CSPP1: variants seen among roughly 807,000 people sequenced by gnomAD.
The protein encoded by CSPP1 is centrosome and spindle pole associated protein 1.
In CSPP1, 126 loss-of-function variants were observed where a neutral mutation model predicts 164.4. That is an observed-to-expected ratio of 0.77 (90% CI 0.66 to 0.89). The LOEUF is 0.89. CSPP1 is among the 40% of genes least tolerant of loss of function. CSPP1 has a pLI of 0.00. For missense variants in CSPP1, 1,395 were observed against 1,449.8 expected (o/e 0.96, Z 0.61); for synonymous variants, 472 against 476.7 (o/e 0.99, Z 0.13).
In CSPP1 at chr8:67,105,974, T is replaced by C. The variant is rs1189092691; in HGVS notation, c.1092T>C (p.Phe364=). 6.4e-7 allele frequency: 1 copy of C among 1,556,770 alleles called. No homozygotes were observed. The highest frequency in any genetic ancestry group is 1.1e-5 in the South Asian group (1 of 89,824). The change falls in exon 9 of 31, where the codon TTT becomes TTC. Residue 364 remains phenylalanine (F), a splice_region_variant and synonymous_variant. Coordinates refer to ENST00000678616, the MANE Select transcript of CSPP1 (RefSeq NM_001382391.1). The part of the protein sequence containing the change: ...DTCSPFAGML[F]GGEDRELIQR... ...GTAGTCCTTTTGCAGGGATGCTCTT[T>C]GGTAGGCACAAAACTTCCAACTAGT...
At position 67,072,008 on chromosome 8, in the gene CSPP1, C is replaced by T. The variant is rs375220864; in HGVS notation, c.-10-2235C>T. ...TAGGCAAAGATTTTTTTTAGCTGGG[C>T]GTGGTGGCTCACACCTGTGATCTCA... On this transcript the variant is annotated intron_variant, in intron 1 of 30. Transcript: ENST00000678616. Among the ~76,000 whole-genome samples the T allele has an allele frequency of 3.0e-4, 45 of 152,176 alleles. 1 individual carries two copies. In the South Asian group the frequency reaches 8.5e-3, roughly 29 times the overall value.
At chr8:67,175,567 T>G in intron 26 of CSPP1, 131 bp downstream of exon 26, 1 of 1,078,216 alleles carries the variant, frequency 9.3e-7, no homozygotes. Context: ...ACAGGGTCCG[T>G]TTGGTCTGTA....
rs1043513951 is a variant in CSPP1 at position 67,182,316 on chromosome 8, CCT to C, written c.3220+2391_3220+2392del. Among the ~76,000 whole-genome samples, 17 of 145,252 alleles carry C rather than the reference CCT, an allele frequency of 1.2e-4. No individual in the cohort carries two copies. The South Asian group carries it at 2.3e-3, about 20-fold the overall frequency. ...AGCTACCACACCCAGCCAGATTTCC[CCT>C]TTTTTTTTTTATGCTGTGAATAATA... On this transcript the variant is annotated intron_variant, in intron 28 of 30. Transcript: ENST00000678616.
Position 67,095,320 on chromosome 8 carries a change from A to G in CSPP1, c.511A>G (p.Ile171Val), listed in dbSNP as rs188917565. The change falls in exon 7 of 31, where the codon ATT (isoleucine) becomes GTT (valine). Residue 171 changes from isoleucine (I) to valine (V), a missense_variant. Coordinates refer to ENST00000678616, the MANE Select transcript of CSPP1 (RefSeq NM_001382391.1). ...EPKSQRNKKP[I>V]GQVKPDLTSQ... ...CAAGAGTCAGAGAAATAAAAAACCTATTGGTCAAGTTAAGCCTGATCTAAC... is the reference window on the plus strand; with the variant it reads ...CAAGAGTCAGAGAAATAAAAAACCTGTTGGTCAAGTTAAGCCTGATCTAAC... The G allele has an allele frequency of 6.5e-5, 103 of 1,573,526 alleles. No individual in the cohort carries two copies. The East Asian group carries it at 2.2e-3, about 34-fold the overall frequency.
At chr8:67,102,046 A>G (rs1230251543) in intron 7 of CSPP1, among the ~76,000 whole-genome samples, 4 of 152,220 alleles carry the variant, frequency 2.6e-5, no homozygotes, top group Non-Finnish European at 4.4e-5. Flanking sequence ...TGGAAAAAAG[A>G]TTGATTGAAA....
At chr8:67,192,907 T>C (rs575204008) in intron 29 of CSPP1, among the ~76,000 whole-genome samples, 8 of 152,368 alleles carry the variant, frequency 5.3e-5, no homozygotes, top group African/African-American at 1.9e-4. Flanking sequence ...AAGCCCCTGC[T>C]GCTTCAGTTT....
At position 67,159,954 on chromosome 8, in the gene CSPP1, CTTCTTTCTTTTCTTTTCTTTTCTT is replaced by C. The variant is rs1196998495; in HGVS notation, c.2538+824_2538+847del. On this transcript the variant is annotated intron_variant, in intron 21 of 30. Coordinates refer to ENST00000678616, the MANE Select transcript of CSPP1 (RefSeq NM_001382391.1). ...CCTTCCTTCCTTCCTTCCTTCCTTC[CTTCTTTCTTTTCTTTTCTTTTCTT>C]TTCTTTTCTTTTCTTTTCTTTTCTT... Among the ~76,000 whole-genome samples, 279 of 31,454 alleles carry C rather than the reference CTTCTTTCTTTTCTTTTCTTTTCTT, an allele frequency of 8.9e-3. 17 individuals are homozygous for C. The highest frequency in any genetic ancestry group is 0.015 in the South Asian group (11 of 730). The allele number at this position is 31,454 out of a possible 152,430, so 20.6% of individuals were successfully genotyped here.
At chr8:67,162,713 A>G (rs1828605378) in intron 22 of CSPP1, among the ~76,000 whole-genome samples, 1 of 152,204 alleles carries the variant, frequency 6.6e-6, no homozygotes, top group African/African-American at 2.4e-5. Flanking sequence ...ACAAGTCCAG[A>G]TGTGAGACTG....
intron 5 of CSPP1, 40 bp downstream of exon 5, chr8:67,091,923 C>T (rs758203155): frequency 3.2e-5 from 27 of 838,778 alleles, no homozygotes; most frequent in Non-Finnish European, 3.9e-5. Flanking sequence ...ACCAGTTTTC[C>T]GAGGCATCAA....
intron 8 of CSPP1, among the ~76,000 whole-genome samples, chr8:67,104,578 A>G (rs1814958206): frequency 6.6e-6 from 1 of 151,366 alleles, no homozygotes; most frequent in African/African-American, 2.4e-5. Flanking sequence ...AAGTATGTGC[A>G]TAGATCACTC....
chr8:67,145,894 G>A (rs1824446164), intron 17 of CSPP1, among the ~76,000 whole-genome samples: 1 of 152,006 alleles, frequency 6.6e-6, no homozygotes, highest in Admixed American at 6.6e-5. Context: ...GTGCATTTAA[G>A]TGTGCTACAC....
intron 3 of CSPP1, among the ~76,000 whole-genome samples, chr8:67,078,953 CAGAG>C (rs1352904844): frequency 1.3e-5 from 2 of 151,938 alleles, no homozygotes; most frequent in Non-Finnish European, 2.9e-5. Context: ...GCCTGGGTGA[CAGAG>C]AGAGACTCCA....
intron 19 of CSPP1, among the ~76,000 whole-genome samples, chr8:67,157,312 T>C (rs894742948): frequency 1.3e-5 from 2 of 151,710 alleles, no homozygotes; most frequent in African/African-American, 4.8e-5. Flanking sequence ...TTTTTTTTTT[T>C]AAAGACAGAG....
chr8:67,094,261 T>C (rs182566969), intron 6 of CSPP1, among the ~76,000 whole-genome samples: 1 of 150,826 alleles, frequency 6.6e-6, no homozygotes, highest in African/African-American at 2.4e-5. Context: ...TTGCATTTAG[T>C]TTATCCTCTC....
intron 24 of CSPP1, among the ~76,000 whole-genome samples, chr8:67,172,154 ATTTT>A (rs540548645): frequency 1.6e-5 from 2 of 124,876 alleles, no homozygotes; most frequent in African/African-American, 3.1e-5. Flanking sequence ...TGGCCTCATA[ATTTT>A]TTTTTTTTTT....
chr8:67,111,995 C>T lies in CSPP1; in HGVS notation c.1117C>T (p.Gln373Ter). Reference sequence around the variant, plus strand: ...AGGAGGTGAAGATCGAGAACTTATTCAGAGAAGGAAAGAGAAATACAGACT... The same window carrying T: ...AGGAGGTGAAGATCGAGAACTTATTTAGAGAAGGAAAGAGAAATACAGACT... ...LFGGEDRELIQRRKEKYRLEL... is the reference protein window; with the variant it reads ...LFGGEDRELI The change falls in exon 10 of 31, where the codon CAG becomes TAG. Residue 373 changes from glutamine to a stop codon, truncating the protein, a stop_gained. Transcript: ENST00000678616. LOFTEE classifies it high-confidence loss of function. 1 of 1,609,802 alleles carries T rather than the reference C, an allele frequency of 6.2e-7. No individual in the cohort carries two copies. Among genetic ancestry groups the T allele is most frequent in the South Asian group, 1.1e-5 (1 of 90,630 alleles).
At chr8:67,088,473 A>G (rs976719345) in intron 4 of CSPP1, among the ~76,000 whole-genome samples, 1 of 151,606 alleles carries the variant, frequency 6.6e-6, no homozygotes, top group African/African-American at 2.4e-5. Flanking sequence ...TACTTTTAGT[A>G]GAGACGGGGT....
intron 28 of CSPP1, among the ~76,000 whole-genome samples, chr8:67,181,492 G>T (rs1324842425): frequency 1.3e-5 from 2 of 151,874 alleles, no homozygotes; most frequent in African/African-American, 4.8e-5. Context: ...GATGGTCTGG[G>T]CCACTCAAGA....
intron 4 of CSPP1, among the ~76,000 whole-genome samples, chr8:67,091,500 G>A (rs1389379438): frequency 2.0e-5 from 3 of 152,284 alleles, no homozygotes; most frequent in East Asian, 3.9e-4. Context: ...CTTAGAAGAC[G>A]AAATTGGGAA....
Sources: allele counts gnomAD v4.1 joint callset (sites outside exome capture counted in the v4.1 genomes callset), GRCh38; gene constraint gnomAD v4.1.1; transcripts MANE v1.5; gene names NCBI Gene and HGNC (gene_info 2026-07-23, HGNC 2026-07-21).